Variants in ANKRD44 observed in about 807,000 individuals in gnomAD.
ANKRD44 encodes serine/threonine-protein phosphatase 6 regulatory ankyrin repeat subunit B.
In ANKRD44, 35 loss-of-function variants were observed where a neutral mutation model predicts 116.0. The ratio of observed to expected loss-of-function variants is 0.30; its 90% confidence interval spans 0.23 to 0.40. The LOEUF (loss-of-function observed/expected upper bound fraction) is 0.40. Ranked by LOEUF, ANKRD44 falls within the 10% of genes least tolerant of loss-of-function variation. ANKRD44 has a pLI of 1.00. For missense variants in ANKRD44, 1,014 were observed against 1,242.6 expected (o/e 0.82, Z 2.77); for synonymous variants, 435 against 461.8 (o/e 0.94, Z 0.74).
chr2:197,042,563 T>C (rs1467870951), intron 16 of ANKRD44, among the ~76,000 whole-genome samples: 1 of 151,214 alleles, frequency 6.6e-6, no homozygotes, highest in Non-Finnish European at 1.5e-5. Context: ...AAGAACTACC[T>C]GTCTCTCGGG....
intron 27 of ANKRD44, 106 bp downstream of exon 27, chr2:196,993,477 A>C: frequency 2.3e-6 from 2 of 860,688 alleles, no homozygotes; most frequent in Non-Finnish European, 1.9e-6. Context: ...CAAGGGGGAC[A>C]GAATTCTTAA....
In ANKRD44 at chr2:197,005,880, T is replaced by C. The variant is rs569556934; in HGVS notation, c.2161A>G (p.Met721Val). The C allele has an allele frequency of 1.2e-6, 2 of 1,614,240 alleles. No individual in the cohort carries two copies. The highest frequency in any genetic ancestry group is 1.3e-5 in the African/African-American group (1 of 75,066). ...IMTGHEECVQ[M>V]LLEQEVSILC... ...ATTGACACTTCTTGTTCCAGCAGCA[T>C]TTGCACACATTCCTCGTGTCCTGTC... is the stretch of plus-strand genomic sequence containing the variant. The change falls in exon 21 of 28, where the codon ATG (methionine) becomes GTG (valine). Residue 721 changes from methionine (M) to valine (V), a missense_variant. By Grantham distance (21) the Met-to-Val change is conservative. Transcript: ENST00000282272.
chr2:197,294,681 TAGATTAG>T (rs2083668056), intron 1 of ANKRD44, among the ~76,000 whole-genome samples: 1 of 152,178 alleles, frequency 6.6e-6, no homozygotes, highest in South Asian at 2.1e-4. Context: ...TGAGCAACAT[TAGATTAG>T]TAGACAGCTT....
chr2:197,038,966 T>TTTGGA, intron 16 of ANKRD44, among the ~76,000 whole-genome samples: 1 of 152,168 alleles, frequency 6.6e-6, no homozygotes, highest in East Asian at 1.9e-4. Context: ...ATAATCAAAG[T>TTTGGA]GTTCCCATAT....
At chr2:197,133,330 A>C (rs2079135643) in intron 4 of ANKRD44, among the ~76,000 whole-genome samples, 1 of 152,058 alleles carries the variant, frequency 6.6e-6, no homozygotes, top group Non-Finnish European at 1.5e-5. Context: ...CAGCTTTTCC[A>C]CTGTAGACTC....
chr2:197,098,790 G>A (rs772633072), intron 10 of ANKRD44, among the ~76,000 whole-genome samples: 6 of 152,080 alleles, frequency 3.9e-5, no homozygotes, highest in Non-Finnish European at 8.8e-5. Context: ...CTACAGATAA[G>A]TACTAGTATT....
At chr2:197,118,647 G>GAAAAAAAA (rs1553512606) in intron 8 of ANKRD44, among the ~76,000 whole-genome samples, 3 of 149,116 alleles carry the variant, frequency 2.0e-5, no homozygotes, top group African/African-American at 7.4e-5. Flanking sequence ...GAGAAAGAAA[G>GAAAAAAAA]AAAGAAAGAA....
At chr2:197,167,249 A>T (rs2080120137) in intron 2 of ANKRD44, among the ~76,000 whole-genome samples, 1 of 152,330 alleles carries the variant, frequency 6.6e-6, no homozygotes, top group South Asian at 2.1e-4. Context: ...TTTTGAACAC[A>T]TACATTTTTA....
chr2:197,123,830 T>C (rs17452754), intron 6 of ANKRD44, among the ~76,000 whole-genome samples: 72,960 of 151,900 alleles, frequency 0.48, 20,074 homozygotes, highest in East Asian at 0.94. Context: ...AATTTGACTC[T>C]TTTCTCTCCA....
intron 1 of ANKRD44, among the ~76,000 whole-genome samples, chr2:197,276,372 C>T (rs754265327): frequency 2.6e-5 from 4 of 151,060 alleles, no homozygotes; most frequent in Non-Finnish European, 4.4e-5. Context: ...AAATGACATT[C>T]ATGATTAATG....
At chr2:197,136,378 G>A (rs1215891283) in intron 4 of ANKRD44, 10 of 578,184 alleles carry the variant, frequency 1.7e-5, no homozygotes, top group Non-Finnish European at 2.8e-5. Context: ...GGATCATGCT[G>A]TCCATGTTGA....
chr2:197,115,211 A>G (rs1442710518), intron 8 of ANKRD44, among the ~76,000 whole-genome samples: 1 of 152,198 alleles, frequency 6.6e-6, no homozygotes. Flanking sequence ...TGGCAATGGC[A>G]ATTTCTGAGT....
At chr2:197,060,598 T>C (rs2077290864) in intron 16 of ANKRD44, among the ~76,000 whole-genome samples, 1 of 152,248 alleles carries the variant, frequency 6.6e-6, no homozygotes. Flanking sequence ...TATTATTAAC[T>C]ATAGTCCTCA....
chr2:197,075,522 A>G (rs1476340823), intron 16 of ANKRD44, among the ~76,000 whole-genome samples: 1 of 152,174 alleles, frequency 6.6e-6, no homozygotes, highest in Non-Finnish European at 1.5e-5. Flanking sequence ...TTTTGCTTGC[A>G]CACATAGTAC....
At chr2:197,304,314 A>C (rs1053407596) in intron 1 of ANKRD44, among the ~76,000 whole-genome samples, 81 of 152,160 alleles carry the variant, frequency 5.3e-4, no homozygotes, top group Non-Finnish European at 1.1e-3. Flanking sequence ...ACTCTGTCCC[A>C]AAAAAATAAA....
intron 17 of ANKRD44, among the ~76,000 whole-genome samples, chr2:197,018,320 C>T (rs1215312462): frequency 6.6e-6 from 1 of 152,142 alleles, no homozygotes; most frequent in Non-Finnish European, 1.5e-5. Context: ...CTTCCTCTAC[C>T]CTCAGTTTCA....
intron 1 of ANKRD44, among the ~76,000 whole-genome samples, chr2:197,190,802 A>G (rs905395865): frequency 2.0e-5 from 3 of 152,240 alleles, no homozygotes; most frequent in Non-Finnish European, 4.4e-5. Context: ...TTTTGTCTTA[A>G]CTTAAATAAG....
chr2:197,124,486 A>C (rs1393927084), intron 6 of ANKRD44, among the ~76,000 whole-genome samples: 1 of 152,232 alleles, frequency 6.6e-6, no homozygotes, highest in Admixed American at 6.5e-5. Context: ...GAAAATGAGA[A>C]TTATATTATT....
chr2:196,995,614 C>G (rs1263197970), intron 25 of ANKRD44, among the ~76,000 whole-genome samples, 153 bp from the exon 26 acceptor site: 2 of 151,980 alleles, frequency 1.3e-5, no homozygotes, highest in African/African-American at 2.4e-5. Context: ...TTCTTCTCAA[C>G]AACAAATGGG....
Sources: gnomAD v4.1 joint callset for allele counts (sites outside exome capture counted in the v4.1 genomes callset) on GRCh38, gnomAD v4.1.1 for gene constraint, MANE v1.5 for transcripts, NCBI Gene and HGNC (gene_info 2026-07-23, HGNC 2026-07-21) for gene names.